CBL: variants seen among roughly 807,000 people sequenced by gnomAD.
The protein encoded by CBL is Cbl proto-oncogene.
Under a neutral mutation model 96.9 loss-of-function variants are expected in CBL, and 45 were observed. The observed-to-expected ratio is 0.46, with a 90% CI of 0.37 to 0.60. The LOEUF is 0.60. CBL is among the 20% of genes least tolerant of loss of function. The pLI, the probability that CBL is intolerant of heterozygous loss-of-function variation, is 0.00. For synonymous variants in CBL, 420 were observed against 426.8 expected (o/e 0.98, Z 0.20); for missense variants, 1,024 against 1,143.5 (o/e 0.90, Z 1.51).
chr11:119,238,651 G>A lies in CBL; in HGVS notation c.443+5956G>A, dbSNP rs574195290. Among the ~76,000 whole-genome samples the A allele has an allele frequency of 2.2e-4, 34 of 152,230 alleles. No individual in the cohort carries two copies. In the South Asian group the frequency reaches 6.4e-3, roughly 29 times the overall value. ...TTGAGACCAGCCTGGCCGGTGTGGT[G>A]AAATCCCGTCTCTACTAAAAATACA... On this transcript the variant is annotated intron_variant, in intron 2 of 15. Transcript: ENST00000264033.
Position 119,278,712 on chromosome 11 carries a change from A to T in CBL, c.1430A>T (p.Lys477Met). The part of the protein sequence containing the change: ...LFMMKELAGA[K>M]VERPPSPFSM... The stretch of plus-strand genomic sequence containing the variant: ...ATGATGAAGGAATTGGCTGGTGCCA[A>T]GGTAAGATGGCAGTTTAGGAGACTG... The change falls in exon 9 of 16, where the codon AAG becomes ATG. Residue 477 changes from lysine (K) to methionine (M), a missense_variant and splice_region_variant. By Grantham distance (95) the Lys-to-Met change is moderately conservative (BLOSUM62 -1). Around this residue, in one of 4 missense-constraint regions of CBL, gnomAD observed 695 missense variants for 661.6 expected, o/e 1.05. Transcript: ENST00000264033. The T allele has an allele frequency of 2.5e-6, 4 of 1,613,742 alleles. No individual in the cohort carries two copies. Among genetic ancestry groups the T allele is most frequent in the Non-Finnish European group, 3.4e-6 (4 of 1,179,702 alleles).
intron 2 of CBL, among the ~76,000 whole-genome samples, chr11:119,251,543 A>G (rs1465690025): frequency 2.0e-5 from 3 of 152,260 alleles, no homozygotes; most frequent in African/African-American, 7.2e-5. Context: ...CATAAATTTA[A>G]GAGAAGTTAC....
chr11:119,250,532 G>C (rs937927894), intron 2 of CBL, among the ~76,000 whole-genome samples: 4 of 152,158 alleles, frequency 2.6e-5, no homozygotes, highest in Non-Finnish European at 4.4e-5. Flanking sequence ...AAGTCTGCCT[G>C]AATTCCCTTT....
At chr11:119,240,956 C>G (rs1330896624) in intron 2 of CBL, among the ~76,000 whole-genome samples, 1 of 151,980 alleles carries the variant, frequency 6.6e-6, no homozygotes, top group Non-Finnish European at 1.5e-5. Flanking sequence ...ACCTGTAATC[C>G]CAGCTACTCG....
rs117095476 is a variant in CBL, at chr11:119,270,834, C to T, written c.444-901C>T. Reference sequence around the variant, plus strand: ...GACTGCAAGTGATCGCCCACTTTGGCGTCCTATAGTGCTGGGATTACAGGC... The same window carrying T: ...GACTGCAAGTGATCGCCCACTTTGGTGTCCTATAGTGCTGGGATTACAGGC... On this transcript the variant is annotated intron_variant, in intron 2 of 15. Coordinates refer to ENST00000264033, the MANE Select transcript of CBL (RefSeq NM_005188.4). Among the ~76,000 whole-genome samples the T allele has an allele frequency of 5.6e-4, 85 of 152,260 alleles. 1 individual carries two copies. In the East Asian group the frequency reaches 0.013, roughly 23 times the overall value.
intron 1 of CBL, among the ~76,000 whole-genome samples, chr11:119,231,088 G>C (rs960010751): frequency 6.6e-6 from 1 of 152,096 alleles, no homozygotes; most frequent in Admixed American, 6.6e-5. Flanking sequence ...CTCTGTTCCT[G>C]TTCCTCAAGC....
intron 9 of CBL, 145 bp downstream of exon 9, chr11:119,278,858 G>GT (rs2135305033): frequency 2.7e-6 from 2 of 736,880 alleles, no homozygotes; most frequent in East Asian, 2.7e-5. Flanking sequence ...CAGATATTGT[G>GT]TTAAGCACTT....
intron 12 of CBL, among the ~76,000 whole-genome samples, chr11:119,291,262 C>T (rs968099533): frequency 2.0e-5 from 3 of 152,124 alleles, no homozygotes; most frequent in Non-Finnish European, 2.9e-5. Context: ...CATGGTGGCA[C>T]ACGCCTATAG....
At chr11:119,219,918 C>T (rs1338699578) in intron 1 of CBL, among the ~76,000 whole-genome samples, 4 of 149,240 alleles carry the variant, frequency 2.7e-5, no homozygotes, top group Admixed American at 2.0e-4. Context: ...GGCGTGATCT[C>T]GGCTCACTGC....
chr11:119,277,825 A>G lies in CBL; in HGVS notation c.1076A>G (p.Asp359Gly). The change falls in exon 7 of 16, where the codon GAC becomes GGC. Residue 359 changes from aspartate to glycine, a missense_variant. By Grantham distance (94) the Asp-to-Gly change is moderately conservative. Coordinates refer to ENST00000264033, the MANE Select transcript of CBL (RefSeq NM_005188.4). Reference sequence around the variant, plus strand: ...GGCTTATGTGAACCAACTCCCCAAGACCATATCAAAGTGACCCAGGTGAGT... The same window carrying G: ...GGCTTATGTGAACCAACTCCCCAAGGCCATATCAAAGTGACCCAGGTGAGT... ...LTGLCEPTPQ[D>G]HIKVTQEQYE... 6.2e-7 allele frequency: 1 copy of G among 1,613,146 alleles called. No homozygotes were observed. Among genetic ancestry groups the G allele is most frequent in the Non-Finnish European group, 8.5e-7 (1 of 1,179,106 alleles).
At chr11:119,294,394 A>G (rs1950049602) in intron 12 of CBL, among the ~76,000 whole-genome samples, 1 of 150,804 alleles carries the variant, frequency 6.6e-6, no homozygotes, top group Admixed American at 6.6e-5. Flanking sequence ...ACGCCATTGC[A>G]CTCCAGCCTG....
At chr11:119,236,510 A>T (rs1432282603) in intron 2 of CBL, among the ~76,000 whole-genome samples, 4 of 151,448 alleles carry the variant, frequency 2.6e-5, no homozygotes, top group African/African-American at 9.7e-5. Context: ...GCTACTACTG[A>T]ATAATGTTGC....
chr11:119,234,982 T>G (rs11217201), intron 2 of CBL, among the ~76,000 whole-genome samples: 7,373 of 152,274 alleles, frequency 0.048, 590 homozygotes, highest in African/African-American at 0.17. Flanking sequence ...GTTAGAATTG[T>G]GGGAGACAGA....
intron 2 of CBL, among the ~76,000 whole-genome samples, chr11:119,266,657 A>G (rs1481156955): frequency 6.6e-6 from 1 of 152,198 alleles, no homozygotes. Flanking sequence ...ATACAGAATC[A>G]GCATTTGATT....
At chr11:119,215,143 A>T (rs1463670442) in intron 1 of CBL, among the ~76,000 whole-genome samples, 2 of 152,110 alleles carry the variant, frequency 1.3e-5, no homozygotes. Context: ...GAGTTAGACC[A>T]GGGAAGAAGA....
chr11:119,276,218 T>G (rs894481759), intron 6 of CBL, 84 bp downstream of exon 6: 1 of 1,354,664 alleles, frequency 7.4e-7, no homozygotes, highest in African/African-American at 1.4e-5. Context: ...TATTCCAGGT[T>G]TCTTAAACTG....
At position 119,297,164 on chromosome 11, in the gene CBL, T is replaced by C. The variant is rs181949829; in HGVS notation, c.2153+130T>C. ...TAAAGCAGAAAGATAAAGATAAATC[T>C]AGCCCTTAATGGTTTAAGCCTTTTG... On this transcript the variant is annotated intron_variant, in intron 13 of 15. Coordinates refer to ENST00000264033, the MANE Select transcript of CBL (RefSeq NM_005188.4). The C allele has an allele frequency of 2.5e-4, 192 of 774,072 alleles. No individual in the cohort carries two copies. In the African/African-American group the frequency reaches 2.8e-3, roughly 11 times the overall value. 48.0% of individuals were successfully genotyped at this position (774,072 alleles called of 1,614,324 possible). A position where few individuals can be genotyped will look rare whatever the true frequency, so the allele number is the denominator to read the frequency against.
chr11:119,213,315 T>C (rs969358451), intron 1 of CBL, among the ~76,000 whole-genome samples: 10 of 152,222 alleles, frequency 6.6e-5, no homozygotes, highest in Non-Finnish European at 1.2e-4. Context: ...CCTTCTTACC[T>C]TCCTGTGTTT....
At chr11:119,286,032 CT>C (rs1289481462) in intron 11 of CBL, among the ~76,000 whole-genome samples, 1 of 152,166 alleles carries the variant, frequency 6.6e-6, no homozygotes, top group Non-Finnish European at 1.5e-5. Flanking sequence ...GGCGTGGTGG[CT>C]CACACCTGCA....
Sources: gnomAD v4.1 joint callset for allele counts (sites outside exome capture counted in the v4.1 genomes callset) on GRCh38, gnomAD v4.1.1 for gene constraint, gnomAD v4.1.1 regional missense constraint, MANE v1.5 for transcripts, NCBI Gene and HGNC (gene_info 2026-07-23, HGNC 2026-07-21) for gene names.